The following SIGLEC8 variants were observed in gnomAD, a reference collection of about 807,000 sequenced individuals.
The protein encoded by SIGLEC8 is sialic acid-binding Ig-like lectin 8.
Under a neutral mutation model 42.1 loss-of-function variants are expected in SIGLEC8, and 32 were observed. The ratio of observed to expected loss-of-function variants is 0.76; its 90% confidence interval spans 0.57 to 1.02. The LOEUF is 1.02. Among genes scored for constraint, SIGLEC8 ranks in the 50% least tolerant of loss-of-function variants. The pLI is 0.00. For synonymous variants in SIGLEC8, 262 were observed against 260.3 expected (o/e 1.01, Z -0.06); for missense variants, 611 against 610.2 (o/e 1.00, Z -0.01).
Position 51,457,928 on chromosome 19 carries a change from C to T in SIGLEC8, c.454+6G>A, listed in dbSNP as rs770966351. 35 of 1,613,420 alleles carry T rather than the reference C, an allele frequency of 2.2e-5. No homozygotes were observed. Among genetic ancestry groups the T allele is most frequent in the Non-Finnish European group, 2.8e-5 (33 of 1,179,588 alleles). Reference sequence around the variant, plus strand: ...CCTGTGGCCTGTGCTGGAGCCCGTGCCTTACCTGTCACAAACACAGACAGC... The same window carrying T: ...CCTGTGGCCTGTGCTGGAGCCCGTGTCTTACCTGTCACAAACACAGACAGC... On this transcript the variant is annotated splice_donor_region_variant and intron_variant, in intron 1 of 6. Transcript: ENST00000321424.
intron 4 of SIGLEC8, among the ~76,000 whole-genome samples, chr19:51,455,098 G>T (rs1247772300): frequency 5.9e-5 from 9 of 152,104 alleles, no homozygotes; most frequent in Non-Finnish European, 1.3e-4. Context: ...TTTTTCTTTG[G>T]CTTCTTAAAT....
chr19:51,456,431 G>A (rs1355945811), intron 3 of SIGLEC8, among the ~76,000 whole-genome samples: 1 of 152,122 alleles, frequency 6.6e-6, no homozygotes, highest in African/African-American at 2.4e-5. Context: ...AACAACATAC[G>A]ACACTGGTAT....
chr19:51,455,987 A>C (rs889163563), intron 3 of SIGLEC8, among the ~76,000 whole-genome samples: 10 of 150,488 alleles, frequency 6.6e-5, no homozygotes, highest in Non-Finnish European at 1.3e-4. Context: ...AAAAAAACAA[A>C]CACCGCATGT....
At position 51,458,413 on chromosome 19, in the gene SIGLEC8, G is replaced by A. The variant is rs748985585; in HGVS notation, c.-26C>T. On this transcript the variant is annotated 5_prime_UTR_variant, in exon 1 of 7. Coordinates refer to ENST00000321424, the MANE Select transcript of SIGLEC8 (RefSeq NM_014442.3). ...GTCTGGGTTTGAAGGCGCCAGGGCC[G>A]CCAGGGAACGTCTGTTCCTCAGGGT... 1.6e-5 allele frequency: 25 copies of A among 1,599,208 alleles called. 1 individual carries two copies. The highest frequency in any genetic ancestry group is 4.5e-5 in the South Asian group (4 of 88,222).
At chr19:51,457,284 G>T in intron 2 of SIGLEC8, 53 bp from the exon 3 acceptor site, 1 of 1,563,216 alleles carries the variant, frequency 6.4e-7, no homozygotes, top group African/African-American at 1.4e-5. Flanking sequence ...GGGGACATTG[G>T]CCCTGTCTTC....
intron 3 of SIGLEC8, among the ~76,000 whole-genome samples, chr19:51,456,643 C>A (rs1468679841): frequency 2.0e-5 from 3 of 152,184 alleles, no homozygotes; most frequent in Non-Finnish European, 2.9e-5. Flanking sequence ...CGATGTCAAA[C>A]CACCTCTGAG....
rs371743239 is a variant in SIGLEC8 at position 51,454,225 on chromosome 19, G to A, written c.1239C>T (p.Ala413=). The A allele has an allele frequency of 4.3e-6, 7 of 1,614,182 alleles. No individual in the cohort carries two copies. The highest frequency in any genetic ancestry group is 1.7e-5 in the Admixed American group (1 of 60,026). The change falls in exon 6 of 7, where the codon GCC becomes GCT. Residue 413 remains alanine (A), a synonymous_variant. Transcript: ENST00000321424. This position sits in a 1 kb window ranked among gnomAD's most constrained non-coding sequence, Gnocchi z 4.7. ...AGAAGCCCACATCACTCACCTGAGA[G>A]GCCGAGCCCCTGATGGCCTTTGCAT... ...MEDAKAIRGS[A]SQGPLTESWK...
At chr19:51,457,036 C>T (rs376029404) in intron 3 of SIGLEC8, 148 bp downstream of exon 3, 52 of 750,564 alleles carry the variant, frequency 6.9e-5, no homozygotes, top group East Asian at 1.3e-4. Flanking sequence ...GATGGTCACG[C>T]GGGCTGGAGA....
Position 51,458,021 on chromosome 19 carries a change from A to T in SIGLEC8, c.367T>A (p.Phe123Ile). Residue 123 changes from phenylalanine (F) to isoleucine (I), a missense_variant, in exon 1 of 7, where the codon TTC becomes ATC. Coordinates refer to ENST00000321424, the MANE Select transcript of SIGLEC8 (RefSeq NM_014442.3). ...ATGCTTCCTCTCTCTAGCCGAAAGAAATATGACCCCTTATCCCTCTTCCTG... is the reference window on the plus strand; with the variant it reads ...ATGCTTCCTCTCTCTAGCCGAAAGATATATGACCCCTTATCCCTCTTCCTG... The part of the protein sequence containing the change: ...DARKRDKGSY[F>I]FRLERGSMKW... 1 of 1,614,164 alleles carries T rather than the reference A, an allele frequency of 6.2e-7. No individual in the cohort carries two copies. The highest frequency in any genetic ancestry group is 8.5e-7 in the Non-Finnish European group (1 of 1,180,022).
In SIGLEC8 at chr19:51,457,623, A is replaced by G. The variant is rs1288465824; in HGVS notation, c.571T>C (p.Trp191Arg). ...CKQGTPPMIS[W>R]IGASVSSPGP... ...GGGGAGGACACGGAGGCCCCAATCC[A>G]GGAGATCATGGGGGGTGTCCCCTGC... Residue 191 changes from tryptophan (W) to arginine (R), a missense_variant, in exon 2 of 7, where the codon TGG becomes CGG. By Grantham distance (101) the Trp-to-Arg change is moderately radical. Transcript: ENST00000321424. 30 of 1,612,402 alleles carry G rather than the reference A, an allele frequency of 1.9e-5. No homozygotes were observed. The highest frequency in any genetic ancestry group is 2.5e-5 in the Non-Finnish European group (29 of 1,179,158).
Position 51,454,481 on chromosome 19 carries a change from C to A in SIGLEC8, c.1149-166G>T, listed in dbSNP as rs1989442794. 6.6e-6 allele frequency among the ~76,000 whole-genome samples: 1 copy of A among 152,154 alleles called. No individual in the cohort carries two copies. The highest frequency in any genetic ancestry group is 2.1e-4 in the South Asian group (1 of 4,836). On this transcript the variant is annotated intron_variant, in intron 5 of 6. Transcript: ENST00000321424. The surrounding 1 kb of genome is among the most constrained non-coding windows in gnomAD (Gnocchi z 4.7). ...ACGGTGAAAACAGAGGCTCCTGCCT[C>A]ATGGATGGTGGGGCCCGAGGTTGCT...
chr19:51,457,899 T>C lies in SIGLEC8; in HGVS notation c.454+35A>G, dbSNP rs1308147062. ...CCCTGCCTTTCAGCCCCTCATGACC[T>C]TCCCCTGTGGCCTGTGCTGGAGCCC... On this transcript the variant is annotated intron_variant, in intron 1 of 6. Transcript: ENST00000321424. 1.9e-6 allele frequency: 3 copies of C among 1,602,986 alleles called. No individual in the cohort carries two copies. In the South Asian group the frequency reaches 3.3e-5, roughly 18 times the overall value.
At chr19:51,455,378 G>C (rs1033711779) in intron 4 of SIGLEC8, 40 bp downstream of exon 4, 24 of 1,605,794 alleles carry the variant, frequency 1.5e-5, no homozygotes, top group African/African-American at 2.7e-5. Flanking sequence ...ATGAGGGTGG[G>C]GCAGGTGTGT....
At chr19:51,456,125 A>G (rs1450013261) in intron 3 of SIGLEC8, among the ~76,000 whole-genome samples, 1 of 151,826 alleles carries the variant, frequency 6.6e-6, no homozygotes, top group Non-Finnish European at 1.5e-5. Context: ...GCTAAATGAC[A>G]AGTTACTGGG....
rs112981557 is a variant in SIGLEC8 at position 51,454,192 on chromosome 19, C to T, written c.1245+27G>A. On this transcript the variant is annotated intron_variant, in intron 6 of 6. Coordinates refer to ENST00000321424, the MANE Select transcript of SIGLEC8 (RefSeq NM_014442.3). This position sits in a 1 kb window ranked among gnomAD's most constrained non-coding sequence, Gnocchi z 4.7. ...GTCAGAGGTGTCCAGGCTGGATGCT[C>T]GGTGTGGAGAAGCCCACATCACTCA... is the stretch of plus-strand genomic sequence containing the variant. The T allele has an allele frequency of 1.2e-5, 19 of 1,613,618 alleles. No homozygotes were observed. Among genetic ancestry groups the T allele is most frequent in the African/African-American group, 5.3e-5 (4 of 75,014 alleles).
rs763470455 is a variant in SIGLEC8, at chr19:51,454,752, T to C, written c.1080A>G (p.Thr360=). ...TGTSRPVSQV[T]LAAVGGAGAT... is the part of the protein sequence containing the mutation. ...CTCCAGCTCCCCCGACTGCTGCCAG[T>C]GTCACTTGTGATACAGGTCTTGAGG... The change falls in exon 5 of 7, where the codon ACA becomes ACG. Residue 360 remains threonine, a synonymous_variant. Coordinates refer to ENST00000321424, the MANE Select transcript of SIGLEC8 (RefSeq NM_014442.3). This position sits in a 1 kb window ranked among gnomAD's most constrained non-coding sequence, Gnocchi z 4.7. 5.0e-6 allele frequency: 8 copies of C among 1,613,732 alleles called. No individual in the cohort carries two copies. In the Admixed American group the frequency reaches 5.0e-5, roughly 10 times the overall value.
chr19:51,454,316 C>G lies in SIGLEC8; in HGVS notation c.1149-1G>C, dbSNP rs1989438968. On this transcript the variant is annotated splice_acceptor_variant, in intron 5 of 6. Coordinates refer to ENST00000321424, the MANE Select transcript of SIGLEC8 (RefSeq NM_014442.3). LOFTEE classifies it high-confidence loss of function. This position sits in a 1 kb window ranked among gnomAD's most constrained non-coding sequence, Gnocchi z 4.7. ...CGATTTCTTCCTGCAGGACCTCACT[C>G]TGAGTGAAGAGACCAGAGAGCCTTT... 6.2e-7 allele frequency: 1 copy of G among 1,613,202 alleles called. No homozygotes were observed. The highest frequency in any genetic ancestry group is 8.5e-7 in the Non-Finnish European group (1 of 1,180,026).
rs1314814011 is a variant in SIGLEC8, at chr19:51,454,966, C to T, written c.1052-186G>A. On this transcript the variant is annotated intron_variant, in intron 4 of 6. Transcript: ENST00000321424. The surrounding 1 kb of genome is among the most constrained non-coding windows in gnomAD (Gnocchi z 4.7). The stretch of plus-strand genomic sequence containing the variant: ...TGAGGCATGAGAGTGCTGGATGCAG[C>T]TTGTCTTGCCTTTATTTACAATTTT... Among the ~76,000 whole-genome samples the T allele has an allele frequency of 6.6e-6, 1 of 152,206 alleles. No individual in the cohort carries two copies. The highest frequency in any genetic ancestry group is 1.5e-5 in the Non-Finnish European group (1 of 68,038).
rs1197180312 is a variant in SIGLEC8, at chr19:51,457,599, G to A, written c.595C>T (p.Pro199Ser). 1 of 1,613,202 alleles carries A rather than the reference G, an allele frequency of 6.2e-7. No individual in the cohort carries two copies. The highest frequency in any genetic ancestry group is 8.5e-7 in the Non-Finnish European group (1 of 1,179,538). ...GAGGAGCGGGCAGTAGTGGGGCCCGGGGAGGACACGGAGGCCCCAATCCAG... is the reference window on the plus strand; with the variant it reads ...GAGGAGCGGGCAGTAGTGGGGCCCGAGGAGGACACGGAGGCCCCAATCCAG... The part of the protein sequence containing the change: ...ISWIGASVSS[P>S]GPTTARSSVL... Residue 199 changes from proline (P) to serine (S), a missense_variant, in exon 2 of 7, where the codon CCG becomes TCG. Coordinates refer to ENST00000321424, the MANE Select transcript of SIGLEC8 (RefSeq NM_014442.3).
Sources: allele counts gnomAD v4.1 joint callset (sites outside exome capture counted in the v4.1 genomes callset), GRCh38; gene constraint gnomAD v4.1.1; non-coding constraint Gnocchi (gnomAD v3.1); transcripts MANE v1.5; gene names NCBI Gene and HGNC (gene_info 2026-07-23, HGNC 2026-07-21).